The following PBX3 variants were observed in gnomAD, a reference collection of about 807,000 sequenced individuals.
PBX3 encodes PBX homeobox 3.
In PBX3, 14 loss-of-function variants were observed where a neutral mutation model predicts 48.5. The ratio of observed to expected loss-of-function variants is 0.29; its 90% CI spans 0.19 to 0.45. PBX3 has a LOEUF of 0.45. PBX3 is among the 20% of genes least tolerant of loss of function. The pLI is 1.00. For missense variants in PBX3, 386 were observed against 546.7 expected (o/e 0.71, Z 2.93); for synonymous variants, 210 against 200.3 (o/e 1.05, Z -0.41).
chr9:125,894,334 T>G (rs1012161868), intron 2 of PBX3, among the ~76,000 whole-genome samples: 1 of 152,192 alleles, frequency 6.6e-6, no homozygotes, highest in Non-Finnish European at 1.5e-5. Context: ...AGTTTATAAA[T>G]ATATACTTAG....
intron 2 of PBX3, among the ~76,000 whole-genome samples, chr9:125,894,846 A>G (rs1840733415): frequency 6.6e-6 from 1 of 152,104 alleles, no homozygotes; most frequent in Admixed American, 6.6e-5. Flanking sequence ...GAGGCTATTT[A>G]TTGAGTTGTT....
intron 2 of PBX3, among the ~76,000 whole-genome samples, chr9:125,800,020 AT>A (rs1325027962): frequency 6.6e-6 from 1 of 152,232 alleles, no homozygotes; most frequent in Non-Finnish European, 1.5e-5. Context: ...TAATTCAATT[AT>A]TTTTATGACA....
At chr9:125,808,274 A>G (rs1161214463) in intron 2 of PBX3, among the ~76,000 whole-genome samples, 1 of 152,212 alleles carries the variant, frequency 6.6e-6, no homozygotes, top group Non-Finnish European at 1.5e-5. Flanking sequence ...GACTGACAGC[A>G]TCTAAAAAAT....
chr9:125,891,342 C>G (rs1319677899), intron 2 of PBX3, among the ~76,000 whole-genome samples: 2 of 152,116 alleles, frequency 1.3e-5, no homozygotes, highest in Non-Finnish European at 2.9e-5. Context: ...ATGCAACTAT[C>G]TAAAATGAAT....
At chr9:125,761,171 AAC>A (rs1345792979) in intron 2 of PBX3, among the ~76,000 whole-genome samples, 3 of 152,128 alleles carry the variant, frequency 2.0e-5, no homozygotes, top group Non-Finnish European at 4.4e-5. Context: ...TATACATAGC[AAC>A]AGTGTATTCT....
intron 2 of PBX3, among the ~76,000 whole-genome samples, chr9:125,900,960 G>C (rs1285142908): frequency 6.6e-6 from 1 of 151,678 alleles, no homozygotes; most frequent in East Asian, 1.9e-4. Flanking sequence ...TAAGAAAACT[G>C]TTAGTATTGT....
At chr9:125,763,571 C>G (rs1312012478) in intron 2 of PBX3, among the ~76,000 whole-genome samples, 1 of 152,202 alleles carries the variant, frequency 6.6e-6, no homozygotes, top group African/African-American at 2.4e-5. Flanking sequence ...GCCTCTAACA[C>G]TGAAATCCAC....
intron 7 of PBX3, 61 bp from the exon 8 acceptor site, chr9:125,962,951 T>C (rs1196399294): frequency 2.3e-6 from 2 of 863,304 alleles, no homozygotes; most frequent in Non-Finnish European, 3.7e-6. Flanking sequence ...TTATTTCCTT[T>C]TGTAAGTGAT....
intron 5 of PBX3, among the ~76,000 whole-genome samples, chr9:125,940,181 T>G (rs958764646): frequency 6.7e-6 from 1 of 148,460 alleles, no homozygotes; most frequent in Non-Finnish European, 1.5e-5. Context: ...CAAAACTCCG[T>G]CTCAAAAAAA....
In PBX3 at chr9:125,792,591, A is replaced by C. The variant is rs191113271; in HGVS notation, c.274+43968A>C. Among the ~76,000 whole-genome samples, 636 of 152,276 alleles carry C rather than the reference A, an allele frequency of 4.2e-3. 2 individuals are homozygous for C. Among genetic ancestry groups the C allele is most frequent in the Non-Finnish European group, 6.6e-3 (451 of 68,028 alleles). On this transcript the variant is annotated intron_variant, in intron 2 of 8. Coordinates refer to ENST00000373489, the MANE Select transcript of PBX3 (RefSeq NM_006195.6). ...CTTATAGCTCCCAGTGATAGGGAGC[A>C]GTGGTTTCCCATTGAGAATTTCAGG...
chr9:125,889,934 C>G (rs1413856454), intron 2 of PBX3, among the ~76,000 whole-genome samples: 1 of 150,716 alleles, frequency 6.6e-6, no homozygotes, highest in Admixed American at 6.6e-5. Context: ...CTGAGCGGTC[C>G]CCCGCGCCGG....
At chr9:125,953,925 A>G (rs1157963036) in intron 5 of PBX3, among the ~76,000 whole-genome samples, 1 of 152,180 alleles carries the variant, frequency 6.6e-6, no homozygotes, top group Non-Finnish European at 1.5e-5. Flanking sequence ...TCCAAAGAGG[A>G]CTCAGGTATG....
rs1214795599 is a variant in PBX3 at position 125,908,669 on chromosome 9, GA to G, written c.275-7016del. ...CACATAGAGTAGCTGGGGTCACAAA[GA>G]CCCATAGGGATTAAAGCCAGGGTTT... is the stretch of plus-strand genomic sequence containing the variant. On this transcript the variant is annotated intron_variant, in intron 2 of 8. Transcript: ENST00000373489. Among the ~76,000 whole-genome samples, 20 of 152,062 alleles carry G rather than the reference GA, an allele frequency of 1.3e-4. 1 individual carries two copies. Among genetic ancestry groups the G allele is most frequent in the Admixed American group, 1.2e-3 (19 of 15,256 alleles).
At chr9:125,788,312 G>C (rs1389493936) in intron 2 of PBX3, among the ~76,000 whole-genome samples, 1 of 152,272 alleles carries the variant, frequency 6.6e-6, no homozygotes, top group Non-Finnish European at 1.5e-5. Context: ...CAGCCAAGGG[G>C]AAGAGACAAA....
intron 2 of PBX3, among the ~76,000 whole-genome samples, chr9:125,890,599 G>T (rs544206266): frequency 1.3e-5 from 2 of 152,196 alleles, no homozygotes; most frequent in South Asian, 4.1e-4. Context: ...CAGTGACTTG[G>T]CTCTAGTCAA....
In PBX3 at chr9:125,800,750, ATTTTTTT is replaced by A. The variant is rs60068482; in HGVS notation, c.274+52141_274+52147del. ...ACACTAATCTGAGCGCTTGGAATTA[ATTTTTTT>A]TTTTTTTTTTTTTGAGACAGAGTTT... On this transcript the variant is annotated intron_variant, in intron 2 of 8. Coordinates refer to ENST00000373489, the MANE Select transcript of PBX3 (RefSeq NM_006195.6). Among the ~76,000 whole-genome samples the A allele has an allele frequency of 5.3e-5, 7 of 133,118 alleles. No individual in the cohort carries two copies. In the South Asian group the frequency reaches 9.3e-4, roughly 18 times the overall value. 87.3% of individuals were successfully genotyped at this position (133,118 alleles called of 152,430 possible). A position where few individuals can be genotyped will look rare whatever the true frequency, so the allele number is the denominator to read the frequency against.
At chr9:125,937,348 G>A (rs1018036728) in intron 5 of PBX3, among the ~76,000 whole-genome samples, 19 of 151,914 alleles carry the variant, frequency 1.3e-4, no homozygotes, top group African/African-American at 4.6e-4. Flanking sequence ...CCACTTACCA[G>A]TGTGTTTTTT....
chr9:125,865,818 A>G (rs1041876407), intron 2 of PBX3, among the ~76,000 whole-genome samples: 1 of 152,200 alleles, frequency 6.6e-6, no homozygotes, highest in Non-Finnish European at 1.5e-5. Context: ...TGAAATTGTC[A>G]TTAGCCTATA....
chr9:125,800,754 T>A (rs1837917879), intron 2 of PBX3, among the ~76,000 whole-genome samples: 1 of 150,614 alleles, frequency 6.6e-6, no homozygotes, highest in Non-Finnish European at 1.5e-5. Flanking sequence ...GAATTAATTT[T>A]TTTTTTTTTT....
Sources: allele counts gnomAD v4.1 joint callset (sites outside exome capture counted in the v4.1 genomes callset), GRCh38; gene constraint gnomAD v4.1.1; transcripts MANE v1.5; gene names NCBI Gene and HGNC (gene_info 2026-07-23, HGNC 2026-07-21).